The following LRBA variants were observed in gnomAD, a reference collection of about 807,000 sequenced individuals.
LRBA encodes LPS responsive beige-like anchor protein.
Under a neutral mutation model 330.0 loss-of-function variants are expected in LRBA, and 176 were observed. That is an observed-to-expected ratio of 0.53 (90% CI 0.47 to 0.60). The LOEUF (loss-of-function observed/expected upper bound fraction) is 0.60, where lower values mean the gene tolerates loss of function less well. Ranked by LOEUF, LRBA falls within the 20% of genes least tolerant of loss-of-function variation. LRBA has a pLI of 0.00. For missense variants in LRBA, 3,259 were observed against 3,444.8 expected (o/e 0.95, Z 1.35); for synonymous variants, 1,230 against 1,193.0 (o/e 1.03, Z -0.64).
At position 150,908,671 on chromosome 4, in the gene LRBA, G is replaced by A. The variant is rs1386994001; in HGVS notation, c.1348C>T (p.Leu450Phe). Residue 450 changes from leucine to phenylalanine, a missense_variant, in exon 10 of 57, where the codon CTC becomes TTC. Leu to Phe is a conservative substitution (Grantham distance 22, BLOSUM62 0). Coordinates refer to ENST00000651943, the MANE Select transcript of LRBA (RefSeq NM_001364905.1). The stretch of plus-strand genomic sequence containing the variant: ...ATCACAGTTAGTACCTGGAGCATGA[G>A]TGCATGTGGTGAATGAACAAAAATT... Reference protein sequence around the residue: ...PSIFVHSPHALMLQDVKAVLT... With the variant: ...PSIFVHSPHAFMLQDVKAVLT... 1.2e-6 allele frequency: 2 copies of A among 1,612,994 alleles called. No homozygotes were observed. Among genetic ancestry groups the A allele is most frequent in the Non-Finnish European group, 1.7e-6 (2 of 1,179,162 alleles).
intron 52 of LRBA, among the ~76,000 whole-genome samples, chr4:150,307,801 G>T (rs1209246434): frequency 1.3e-5 from 2 of 152,026 alleles, no homozygotes; most frequent in Non-Finnish European, 2.9e-5. Flanking sequence ...GGAGTGTTTA[G>T]GTTCAATAGT....
chr4:150,513,436 A>C (rs1762032317), intron 40 of LRBA, among the ~76,000 whole-genome samples: 1 of 152,182 alleles, frequency 6.6e-6, no homozygotes, highest in Non-Finnish European at 1.5e-5. Flanking sequence ...GAGGTTGCTT[A>C]ACTGGGATGT....
intron 48 of LRBA, among the ~76,000 whole-genome samples, chr4:150,339,418 G>A (rs1735192985): frequency 2.0e-5 from 3 of 152,082 alleles, no homozygotes; most frequent in Admixed American, 2.0e-4. Flanking sequence ...AGCCAAAAAC[G>A]AAGTCAGTAT....
At chr4:150,538,881 T>C (rs72736305) in intron 40 of LRBA, among the ~76,000 whole-genome samples, 1 of 151,832 alleles carries the variant, frequency 6.6e-6, no homozygotes, top group African/African-American at 2.4e-5. Context: ...GACAGGATCA[T>C]TCCTACCCCA....
chr4:150,375,334 C>T (rs1741100391), intron 47 of LRBA, among the ~76,000 whole-genome samples: 1 of 152,090 alleles, frequency 6.6e-6, no homozygotes, highest in Admixed American at 6.5e-5. Flanking sequence ...GGGGGTAATG[C>T]TGGAGGATAA....
intron 2 of LRBA, among the ~76,000 whole-genome samples, chr4:150,941,277 C>T (rs1299184220): frequency 6.6e-6 from 1 of 151,986 alleles, no homozygotes; most frequent in African/African-American, 2.4e-5. Context: ...CTCAGCCTCC[C>T]GAGTAGCTGG....
intron 40 of LRBA, among the ~76,000 whole-genome samples, chr4:150,507,359 G>A (rs1390224422): frequency 6.6e-6 from 1 of 152,090 alleles, no homozygotes; most frequent in Non-Finnish European, 1.5e-5. Flanking sequence ...AAAACAGCAT[G>A]GTACTGGTAT....
rs188430947 is a variant in LRBA at position 150,427,221 on chromosome 4, T to G, written c.7041+8368A>C. ...CAAAAAACAAATCACACTTGACATA[T>G]GCATGCATTTTTATAATTCTGGAAG... On this transcript the variant is annotated intron_variant, in intron 46 of 56. Transcript: ENST00000651943. Among the ~76,000 whole-genome samples, 94 of 152,114 alleles carry G rather than the reference T, an allele frequency of 6.2e-4. 1 individual carries two copies. The highest frequency in any genetic ancestry group is 2.4e-3 in the Admixed American group (37 of 15,276).
intron 41 of LRBA, among the ~76,000 whole-genome samples, chr4:150,489,113 C>CATATATCATATATAAGAATATATA (rs1561249273): frequency 2.5e-5 from 1 of 40,342 alleles, no homozygotes; most frequent in Non-Finnish European, 4.0e-5. Flanking sequence ...TATTATATAT[C>CATATATCATATATAAGAATATATA]ATATATAATA....
At chr4:150,984,677 CCTT>C (rs1246135464) in intron 2 of LRBA, among the ~76,000 whole-genome samples, 23 of 152,180 alleles carry the variant, frequency 1.5e-4, no homozygotes, top group African/African-American at 5.1e-4. Context: ...ATGTACATTT[CCTT>C]CTTTACTGTG....
chr4:150,936,251 T>C (rs1735073670), intron 2 of LRBA, among the ~76,000 whole-genome samples: 1 of 152,072 alleles, frequency 6.6e-6, no homozygotes, highest in Non-Finnish European at 1.5e-5. Context: ...TTTTATTAAA[T>C]GTGAGGAATA....
chr4:150,518,180 TA>T (rs943616242), intron 40 of LRBA, among the ~76,000 whole-genome samples: 1 of 152,150 alleles, frequency 6.6e-6, no homozygotes, highest in African/African-American at 2.4e-5. Flanking sequence ...GATTAGTAAG[TA>T]AAATAAGGGT....
chr4:150,863,047 C>T (rs2126966356), intron 22 of LRBA, among the ~76,000 whole-genome samples: 1 of 152,210 alleles, frequency 6.6e-6, no homozygotes, highest in African/African-American at 2.4e-5. Context: ...CTTATAATCC[C>T]AGCACTTTCA....
intron 2 of LRBA, among the ~76,000 whole-genome samples, chr4:150,992,017 T>C (rs991252836): frequency 7.9e-5 from 12 of 152,182 alleles, no homozygotes; most frequent in African/African-American, 2.9e-4. Flanking sequence ...ATGTAAGCTA[T>C]GTCTTAAAAG....
chr4:150,909,745 C>T (rs957719705), intron 9 of LRBA, among the ~76,000 whole-genome samples: 2 of 152,094 alleles, frequency 1.3e-5, no homozygotes, highest in Admixed American at 1.3e-4. Context: ...ATATTGTTGT[C>T]CATAGCAGCT....
intron 47 of LRBA, among the ~76,000 whole-genome samples, chr4:150,380,802 C>G (rs1245772836): frequency 7.5e-6 from 1 of 133,548 alleles, no homozygotes; most frequent in African/African-American, 2.7e-5. Context: ...ATGGTGAAAC[C>G]CCGTCTCTAC....
Position 150,727,074 on chromosome 4 carries a change from T to TG in LRBA, c.5754+8183_5754+8184insC, listed in dbSNP as rs899964554. ...TTTACAGAACATTTCGTTGTTTTTTTTTTTTTTTTTTTTTTTGAGATGGAG... is the reference window on the plus strand; with the variant it reads ...TTTACAGAACATTTCGTTGTTTTTTTGTTTTTTTTTTTTTTTTGAGATGGAG... On this transcript the variant is annotated intron_variant, in intron 36 of 56. Coordinates refer to ENST00000651943, the MANE Select transcript of LRBA (RefSeq NM_001364905.1). 3.0e-5 allele frequency among the ~76,000 whole-genome samples: 4 copies of TG among 132,306 alleles called. No individual in the cohort carries two copies. In the South Asian group the frequency reaches 8.1e-4, roughly 27 times the overall value. The allele number at this position is 132,306 out of a possible 152,430, so 86.8% of individuals were successfully genotyped here.
Position 150,851,974 on chromosome 4 carries a change from C to A in LRBA, c.3736G>T (p.Val1246Phe). 1.2e-6 allele frequency: 2 copies of A among 1,614,154 alleles called. No individual in the cohort carries two copies. Among genetic ancestry groups the A allele is most frequent in the Non-Finnish European group, 8.5e-7 (1 of 1,180,002 alleles). ...SSEQKIAKLD[V>F]SNVATDTERL... is the part of the protein sequence containing the mutation. ...TCAGTATCTGTAGCAACATTGGAAA[C>A]ATCCAACTTCGCAATCTTTTGCTCA... The change falls in exon 23 of 57, where the codon GTT becomes TTT. Residue 1246 changes from valine (V) to phenylalanine (F), a missense_variant. Physicochemically the swap from Val to Phe is conservative, Grantham distance 50. Coordinates refer to ENST00000651943, the MANE Select transcript of LRBA (RefSeq NM_001364905.1).
At chr4:150,842,850 G>A (rs1472462219) in intron 28 of LRBA, among the ~76,000 whole-genome samples, 1 of 152,080 alleles carries the variant, frequency 6.6e-6, no homozygotes, top group African/African-American at 2.4e-5. Flanking sequence ...CAACCTTTTT[G>A]GCACAAGGGA....
Sources: gnomAD v4.1 joint callset for allele counts (sites outside exome capture counted in the v4.1 genomes callset) on GRCh38, gnomAD v4.1.1 for gene constraint, MANE v1.5 for transcripts, NCBI Gene and HGNC (gene_info 2026-07-23, HGNC 2026-07-21) for gene names.